Variants in MKLN1 observed in about 807,000 individuals in gnomAD.
MKLN1 encodes muskelin.
In MKLN1, 18 loss-of-function variants were observed where a neutral mutation model predicts 99.0. That is an observed-to-expected ratio of 0.18 (90% CI 0.13 to 0.27). MKLN1 has a LOEUF of 0.27. MKLN1 is among the 10% of genes least tolerant of loss of function. The pLI is 1.00. For synonymous variants in MKLN1, 288 were observed against 293.2 expected (o/e 0.98, Z 0.18); for missense variants, 621 against 875.9 (o/e 0.71, Z 3.67).
intron 1 of MKLN1, among the ~76,000 whole-genome samples, chr7:131,354,019 T>C (rs538396221): frequency 6.6e-6 from 1 of 152,038 alleles, no homozygotes; most frequent in East Asian, 1.9e-4. Context: ...CTTTATTGAT[T>C]ATGCAGTTTT....
At chr7:131,163,303 T>A (rs1195042074) in intron 2 of MKLN1, among the ~76,000 whole-genome samples, 3 of 152,220 alleles carry the variant, frequency 2.0e-5, no homozygotes, top group Non-Finnish European at 4.4e-5. Context: ...TGGAGGAAAT[T>A]GCCTATGAGA....
chr7:131,210,743 A>G (rs1261961057), intron 3 of MKLN1, among the ~76,000 whole-genome samples: 1 of 20 alleles, frequency 0.05, no homozygotes, highest in African/African-American at 0.5. Context: ...AGGGGAAGGG[A>G]GGGAGGGAGG....
At chr7:131,316,177 G>C (rs1220319622) in intron 3 of MKLN1, among the ~76,000 whole-genome samples, 1 of 152,174 alleles carries the variant, frequency 6.6e-6, no homozygotes, top group African/African-American at 2.4e-5. Flanking sequence ...CCCAACAGGG[G>C]TTGACAGACA....
chr7:131,339,711 A>G (rs1476798604), intron 1 of MKLN1, among the ~76,000 whole-genome samples: 2 of 152,046 alleles, frequency 1.3e-5, no homozygotes, highest in African/African-American at 2.4e-5. Flanking sequence ...AAAAAAAAAA[A>G]ATTGAGAGTT....
At chr7:131,376,302 C>T (rs1466732230) in intron 2 of MKLN1, among the ~76,000 whole-genome samples, 4 of 144,170 alleles carry the variant, frequency 2.8e-5, no homozygotes, top group Admixed American at 1.4e-4. Flanking sequence ...GCTAGGCGTT[C>T]GAGGCTAGCC....
At chr7:131,473,667 C>T (rs1369557066) in intron 16 of MKLN1, among the ~76,000 whole-genome samples, 1 of 152,108 alleles carries the variant, frequency 6.6e-6, no homozygotes, top group Non-Finnish European at 1.5e-5. Flanking sequence ...TACACTTCTG[C>T]GGAGTTTCCA....
At chr7:131,283,342 TCCCC>T (rs1563278374) in intron 3 of MKLN1, among the ~76,000 whole-genome samples, 2 of 19,150 alleles carry the variant, frequency 1.0e-4, no homozygotes, top group Non-Finnish European at 2.0e-4. Flanking sequence ...TCCCTTCCCT[TCCCC>T]TCCTTCCTTC....
chr7:131,351,323 A>G (rs1799713567), intron 1 of MKLN1, among the ~76,000 whole-genome samples: 1 of 152,182 alleles, frequency 6.6e-6, no homozygotes, highest in Non-Finnish European at 1.5e-5. Context: ...GATTTGTTGA[A>G]GAAATCAGGT....
At chr7:131,221,691 TTG>T (rs1201755859) in intron 3 of MKLN1, among the ~76,000 whole-genome samples, 1 of 149,516 alleles carries the variant, frequency 6.7e-6, no homozygotes, top group Non-Finnish European at 1.5e-5. Flanking sequence ...TTTTTTTTTT[TTG>T]TATTTTTAGT....
At chr7:131,200,997 C>G in intron 2 of MKLN1, among the ~76,000 whole-genome samples, 1 of 152,092 alleles carries the variant, frequency 6.6e-6, no homozygotes, top group South Asian at 2.1e-4. Context: ...ACACTACTTC[C>G]TCCTTCCCTA....
At chr7:131,362,568 T>C (rs1198032498) in intron 1 of MKLN1, among the ~76,000 whole-genome samples, 1 of 152,072 alleles carries the variant, frequency 6.6e-6, no homozygotes, top group African/African-American at 2.4e-5. Flanking sequence ...AAGATTTGCT[T>C]GAAGCACAGT....
chr7:131,113,667 C>CA (rs71168363), intron 1 of MKLN1, among the ~76,000 whole-genome samples: 17,682 of 96,406 alleles, frequency 0.18, 1,567 homozygotes, highest in Middle Eastern at 0.32. Context: ...TACAAAAATA[C>CA]AAAAAAAAAA....
chr7:131,418,898 TCA>T (rs1449209717), intron 8 of MKLN1, among the ~76,000 whole-genome samples: 1 of 152,160 alleles, frequency 6.6e-6, no homozygotes, highest in Non-Finnish European at 1.5e-5. Flanking sequence ...CTCTGAACTT[TCA>T]CAAGACTGAA....
intron 3 of MKLN1, among the ~76,000 whole-genome samples, chr7:131,387,953 G>C (rs1794080437): frequency 6.6e-6 from 1 of 152,194 alleles, no homozygotes; most frequent in Non-Finnish European, 1.5e-5. Context: ...TGGATCACGA[G>C]GTCAGGAGTT....
intron 3 of MKLN1, among the ~76,000 whole-genome samples, chr7:131,224,465 G>C (rs139356528): frequency 4.6e-5 from 7 of 152,128 alleles, no homozygotes; most frequent in Non-Finnish European, 1.0e-4. Flanking sequence ...AGAATCGCTC[G>C]AACCCAGGAG....
At chr7:131,276,037 A>G (rs1038285654) in intron 3 of MKLN1, among the ~76,000 whole-genome samples, 15 of 152,220 alleles carry the variant, frequency 9.9e-5, no homozygotes, top group Admixed American at 3.3e-4. Flanking sequence ...GGGAGGTGCT[A>G]GACTGTGTCG....
chr7:131,285,521 T>G (rs564120593), intron 3 of MKLN1, among the ~76,000 whole-genome samples: 1 of 152,260 alleles, frequency 6.6e-6, no homozygotes, highest in Non-Finnish European at 1.5e-5. Context: ...GTAATTGGAC[T>G]TGCCGAAAGT....
intron 12 of MKLN1, among the ~76,000 whole-genome samples, chr7:131,453,743 A>AT (rs1796252166): frequency 6.6e-6 from 1 of 152,132 alleles, no homozygotes; most frequent in Non-Finnish European, 1.5e-5. Flanking sequence ...TTTTTGCAAA[A>AT]TTAAAAAATA....
chr7:131,144,611 C>T (rs1052237031), intron 2 of MKLN1, among the ~76,000 whole-genome samples: 3 of 152,112 alleles, frequency 2.0e-5, no homozygotes, highest in Non-Finnish European at 2.9e-5. Flanking sequence ...CCTCCCAAAG[C>T]GCTGGGGTTA....
Sources: gnomAD v4.1 joint callset for allele counts (sites outside exome capture counted in the v4.1 genomes callset) on GRCh38, gnomAD v4.1.1 for gene constraint, MANE v1.5 for transcripts, NCBI Gene and HGNC (gene_info 2026-07-23, HGNC 2026-07-21) for gene names.